Variants in RC3H1 observed in about 807,000 individuals in gnomAD.
RC3H1 encodes the protein roquin-1.
Under a neutral mutation model 138.2 loss-of-function variants are expected in RC3H1, and 50 were observed. That is an observed-to-expected ratio of 0.36 (90% CI 0.29 to 0.46). The LOEUF is 0.46. RC3H1 is among the 20% of genes least tolerant of loss of function. RC3H1 has a pLI of 1.00. For missense variants in RC3H1, 1,031 were observed against 1,388.1 expected, an observed-to-expected ratio of 0.74 and a Z score of 4.09; for synonymous variants, 462 against 489.1, an observed-to-expected ratio of 0.94 and a Z score of 0.73.
At chr1:173,984,680 T>C (rs1422668242) in intron 2 of RC3H1, 61 bp from the exon 3 acceptor site, 6 of 1,555,054 alleles carry the variant, frequency 3.9e-6, no homozygotes, top group Non-Finnish European at 4.4e-6. Flanking sequence ...TTATTTAGTA[T>C]AGTTTATGCA....
intron 2 of RC3H1, 87 bp from the exon 3 acceptor site, chr1:173,984,706 C>G: frequency 7.4e-7 from 1 of 1,344,630 alleles, no homozygotes; most frequent in Non-Finnish European, 1.0e-6. Context: ...AATGCTGACA[C>G]TGGTAACATC....
intron 1 of RC3H1, among the ~76,000 whole-genome samples, chr1:174,001,822 ACT>A (rs936239759): frequency 2.6e-5 from 4 of 152,196 alleles, no homozygotes; most frequent in Admixed American, 2.0e-4. Context: ...TTGCATTAAC[ACT>A]CTGTTGAATA....
intron 13 of RC3H1, among the ~76,000 whole-genome samples, chr1:173,959,775 A>G (rs891499172): frequency 2.0e-5 from 3 of 151,064 alleles, no homozygotes; most frequent in Non-Finnish European, 4.4e-5. Flanking sequence ...GTCTCAGAAA[A>G]AAGAAAGCTG....
chr1:174,001,171 G>C (rs939763971), intron 1 of RC3H1, among the ~76,000 whole-genome samples: 1 of 152,248 alleles, frequency 6.6e-6, no homozygotes, highest in African/African-American at 2.4e-5. Flanking sequence ...TCAGCGTTCA[G>C]AGGCAAAAAG....
chr1:174,002,728 C>T (rs1308072661), intron 1 of RC3H1, among the ~76,000 whole-genome samples: 2 of 152,178 alleles, frequency 1.3e-5, no homozygotes, highest in Non-Finnish European at 2.9e-5. Context: ...GTTACTCCTA[C>T]AAAAGCTGCC....
chr1:173,935,464 T>C lies in RC3H1; in HGVS notation c.*3257A>G, dbSNP rs965297691. ...TTCATCTCAGATATCTGATTTTTGC[T>C]TTGGAATTTAGTGAAATACAAATAA... On this transcript the variant is annotated 3_prime_UTR_variant, in exon 20 of 20. Coordinates refer to ENST00000367696, the MANE Select transcript of RC3H1 (RefSeq NM_172071.4). 2.6e-5 allele frequency: 4 copies of C among 152,208 alleles called. No homozygotes were observed. The highest frequency in any genetic ancestry group is 6.5e-5 in the Admixed American group (1 of 15,276). The allele number at this position is 152,208 out of a possible 1,614,324, so 9.4% of individuals were successfully genotyped here.
At chr1:174,018,268 A>T (rs1385938448) in intron 1 of RC3H1, among the ~76,000 whole-genome samples, 1 of 152,186 alleles carries the variant, frequency 6.6e-6, no homozygotes. Flanking sequence ...CAAATAAGTA[A>T]GGTGACTTTA....
At position 173,982,814 on chromosome 1, in the gene RC3H1, C is replaced by T. The variant is rs1332833307; in HGVS notation, c.681G>A (p.Val227=). 1.9e-6 allele frequency: 3 copies of T among 1,613,898 alleles called. No homozygotes were observed. Among genetic ancestry groups the T allele is most frequent in the African/African-American group, 1.3e-5 (1 of 75,012 alleles). Residue 227 remains valine (V), a synonymous_variant, in exon 5 of 20, where the codon GTG becomes GTA. Transcript: ENST00000367696. ...GAGGAAACCGTGGCTCCAATCTTTG[C>T]ACCACAAACAGAACCAATACTTTTC... The part of the protein sequence containing the change: ...LSRKVLVLFV[V]QRLEPRFPQA...
chr1:174,017,243 A>G (rs1022131230), intron 1 of RC3H1, among the ~76,000 whole-genome samples: 12 of 152,220 alleles, frequency 7.9e-5, no homozygotes, highest in Non-Finnish European at 1.6e-4. Context: ...AGTTGTTCAC[A>G]TTTGTATAGA....
At chr1:174,009,236 G>C (rs1661708507) in intron 1 of RC3H1, 1 of 152,028 alleles carries the variant, frequency 6.6e-6, no homozygotes, top group Non-Finnish European at 1.5e-5. Context: ...TTTATTGCTT[G>C]GTAAAAACAG....
intron 8 of RC3H1, among the ~76,000 whole-genome samples, chr1:173,971,654 A>C (rs1660366031): frequency 6.6e-6 from 1 of 152,186 alleles, no homozygotes; most frequent in East Asian, 1.9e-4. Flanking sequence ...TATTTTCTTC[A>C]AGATGTCTAA....
intron 11 of RC3H1, 116 bp downstream of exon 11, chr1:173,963,857 T>G (rs1311364545): frequency 6.6e-6 from 5 of 756,560 alleles, no homozygotes; most frequent in Non-Finnish European, 1.1e-5. Context: ...TATTAAAAAA[T>G]GCATTTATAC....
intron 2 of RC3H1, among the ~76,000 whole-genome samples, chr1:173,988,163 T>C (rs1661107483): frequency 6.6e-6 from 1 of 152,218 alleles, no homozygotes; most frequent in Admixed American, 6.5e-5. Context: ...GAGTGTCATA[T>C]AGCCACAATT....
chr1:173,970,852 C>T (rs1382540078), intron 8 of RC3H1, among the ~76,000 whole-genome samples: 1 of 151,894 alleles, frequency 6.6e-6, no homozygotes, highest in Non-Finnish European at 1.5e-5. Context: ...TATTAATTCT[C>T]AAACAAGTAG....
intron 1 of RC3H1, among the ~76,000 whole-genome samples, chr1:173,998,821 G>A (rs1177749396): frequency 6.6e-6 from 1 of 152,162 alleles, no homozygotes; most frequent in Non-Finnish European, 1.5e-5. Context: ...GCTAGGTGCT[G>A]TGGTTCACGC....
At chr1:173,944,981 A>AT (rs139503544) in intron 17 of RC3H1, among the ~76,000 whole-genome samples, 3,332 of 152,096 alleles carry the variant, frequency 0.022, 137 homozygotes, top group African/African-American at 0.077. Context: ...TAACAGTACC[A>AT]TTTTTTCCTC....
At chr1:173,989,424 A>C (rs1661168336) in intron 2 of RC3H1, among the ~76,000 whole-genome samples, 1 of 152,182 alleles carries the variant, frequency 6.6e-6, no homozygotes, top group South Asian at 2.1e-4. Flanking sequence ...GCTGGTCTCA[A>C]ATGATCCATC....
At chr1:173,983,048 C>A in intron 4 of RC3H1, 146 bp from the exon 5 acceptor site, 1 of 609,226 alleles carries the variant, frequency 1.6e-6, no homozygotes, top group Non-Finnish European at 2.7e-6. Flanking sequence ...ACTTTTACAC[C>A]ATTTTTGTGA....
intron 17 of RC3H1, among the ~76,000 whole-genome samples, chr1:173,945,542 T>C (rs529394848): frequency 2.0e-5 from 3 of 152,344 alleles, no homozygotes; most frequent in East Asian, 3.9e-4. Context: ...GAAACTCATA[T>C]ACTTCAATCA....
Sources: allele counts gnomAD v4.1 joint callset (sites outside exome capture counted in the v4.1 genomes callset), GRCh38; gene constraint gnomAD v4.1.1; transcripts MANE v1.5; gene names NCBI Gene and HGNC (gene_info 2026-07-23, HGNC 2026-07-21).